The following CTNND2 variants were observed in gnomAD, a reference collection of about 807,000 sequenced individuals.
CTNND2 encodes catenin delta 2.
A neutral mutation model predicts 144.4 loss-of-function variants in CTNND2; 22 were observed. That is an observed-to-expected ratio of 0.15 (90% CI 0.11 to 0.22). CTNND2 has a LOEUF of 0.22. Ranked by LOEUF, CTNND2 falls within the 10% of genes least tolerant of loss-of-function variation. The probability of loss-of-function intolerance (pLI) is 1.00; values close to 1 mark genes in which losing one functional copy is unlikely to be tolerated. For missense variants in CTNND2, 1,353 were observed against 1,618.8 expected, an observed-to-expected ratio of 0.84 and a Z score of 2.82; for synonymous variants, 751 against 695.6, an observed-to-expected ratio of 1.08 and a Z score of -1.25.
At chr5:11,604,459 C>G (rs1318496733) in intron 2 of CTNND2, among the ~76,000 whole-genome samples, 1 of 152,210 alleles carries the variant, frequency 6.6e-6, no homozygotes, top group Non-Finnish European at 1.5e-5. Flanking sequence ...TGACTCATGT[C>G]AAGCCCCGAA....
At chr5:11,359,990 C>T (rs1284460095) in intron 8 of CTNND2, among the ~76,000 whole-genome samples, 1 of 152,046 alleles carries the variant, frequency 6.6e-6, no homozygotes, top group African/African-American at 2.4e-5. Context: ...CATAGATGTT[C>T]CTATATGCAT....
At chr5:11,481,626 A>G (rs891035735) in intron 3 of CTNND2, among the ~76,000 whole-genome samples, 2 of 152,006 alleles carry the variant, frequency 1.3e-5, no homozygotes, top group African/African-American at 4.8e-5. Flanking sequence ...GGAGAGACGG[A>G]GAGAGAGAGA....
intron 9 of CTNND2, among the ~76,000 whole-genome samples, chr5:11,308,548 T>G (rs1750488432): frequency 6.6e-6 from 1 of 152,374 alleles, no homozygotes; most frequent in African/African-American, 2.4e-5. Context: ...GTGGGTTCAC[T>G]TCCCCTAACG....
At chr5:11,419,507 T>G (rs1477489696) in intron 3 of CTNND2, among the ~76,000 whole-genome samples, 1 of 152,226 alleles carries the variant, frequency 6.6e-6, no homozygotes, top group Admixed American at 6.5e-5. Context: ...TTCCATTTCA[T>G]ATGTGAGACA....
chr5:11,273,415 G>A (rs571303701), intron 9 of CTNND2, among the ~76,000 whole-genome samples: 7 of 152,306 alleles, frequency 4.6e-5, no homozygotes, highest in Middle Eastern at 3.4e-3. Flanking sequence ...ATGCAAAACC[G>A]TCCCCTTGGT....
chr5:11,728,021 G>A (rs1787116266), intron 2 of CTNND2, among the ~76,000 whole-genome samples: 1 of 152,212 alleles, frequency 6.6e-6, no homozygotes, highest in African/African-American at 2.4e-5. Flanking sequence ...AAATGTAGAA[G>A]CTGAATAAAA....
chr5:11,021,919 G>A (rs1742296752), intron 17 of CTNND2, among the ~76,000 whole-genome samples: 1 of 152,238 alleles, frequency 6.6e-6, no homozygotes, highest in East Asian at 1.9e-4. Flanking sequence ...GGACTTCCAA[G>A]AGGCAAAATT....
Position 10,992,043 on chromosome 5 carries a change from G to A in CTNND2, c.3211+508C>T, listed in dbSNP as rs533323246. On this transcript the variant is annotated intron_variant, in intron 19 of 21. Transcript: ENST00000304623. ...AGTGATTCTCCTGCCTCAGCCTCCC[G>A]AGTAGCTGGGATTACAGGCGTGTGC... 2.3e-4 allele frequency among the ~76,000 whole-genome samples: 35 copies of A among 152,234 alleles called. No individual in the cohort carries two copies. The East Asian group carries it at 4.2e-3, about 18-fold the overall frequency.
rs61754608 is a variant in CTNND2 at position 11,108,822 on chromosome 5, G to C, written c.2463+2036C>G. 1.0e-3 allele frequency among the ~76,000 whole-genome samples: 152 copies of C among 152,232 alleles called. 1 individual carries two copies. In the East Asian group the frequency reaches 0.023, roughly 23 times the overall value. On this transcript the variant is annotated intron_variant, in intron 14 of 21. Coordinates refer to ENST00000304623, the MANE Select transcript of CTNND2 (RefSeq NM_001332.4). ...CAATGTCCCGTCACCTCCAAACCAC[G>C]CTGAAACAGTACCCACCTCAGGACA...
At chr5:11,049,437 C>T (rs1745607567) in intron 16 of CTNND2, among the ~76,000 whole-genome samples, 1 of 152,184 alleles carries the variant, frequency 6.6e-6, no homozygotes, top group African/African-American at 2.4e-5. Context: ...TTGGCACAGA[C>T]AGTACACTAA....
At chr5:11,021,106 T>C (rs1300474542) in intron 17 of CTNND2, among the ~76,000 whole-genome samples, 1 of 152,208 alleles carries the variant, frequency 6.6e-6, no homozygotes, top group Non-Finnish European at 1.5e-5. Context: ...TTCGAGTGAT[T>C]TGTAAATTAG....
chr5:11,326,623 G>A (rs928169425), intron 9 of CTNND2, among the ~76,000 whole-genome samples: 8 of 152,098 alleles, frequency 5.3e-5, no homozygotes, highest in African/African-American at 1.7e-4. Flanking sequence ...TCTCCCTCAC[G>A]AGGCCTGTAA....
chr5:11,662,616 G>C (rs904074520), intron 2 of CTNND2, among the ~76,000 whole-genome samples: 1 of 151,900 alleles, frequency 6.6e-6, no homozygotes, highest in African/African-American at 2.4e-5. Flanking sequence ...AATCTCCTTC[G>C]GCAACACCCT....
intron 16 of CTNND2, among the ~76,000 whole-genome samples, chr5:11,043,838 A>T (rs907518831): frequency 2.0e-5 from 3 of 152,244 alleles, no homozygotes; most frequent in South Asian, 2.1e-4. Context: ...ATGGAAGATT[A>T]AAAAAGCAGG....
chr5:11,333,384 C>A (rs1753378285), intron 9 of CTNND2, among the ~76,000 whole-genome samples: 2 of 152,134 alleles, frequency 1.3e-5, no homozygotes, highest in South Asian at 4.1e-4. Context: ...CTGCCTTAGT[C>A]TTCACAGTAG....
chr5:11,371,739 G>A (rs1757494568), intron 7 of CTNND2, among the ~76,000 whole-genome samples: 1 of 151,978 alleles, frequency 6.6e-6, no homozygotes, highest in African/African-American at 2.4e-5. Context: ...TAATTAATTT[G>A]ACATCTTATA....
Position 11,828,194 on chromosome 5 carries a change from G to A in CTNND2, c.37+75623C>T, listed in dbSNP as rs768549149. ...GGCAGATCTTTCCTGTGCTGTTCCC[G>A]TGATAGTGAATAAGTCTCATAAGAT... On this transcript the variant is annotated intron_variant, in intron 1 of 21. Coordinates refer to ENST00000304623, the MANE Select transcript of CTNND2 (RefSeq NM_001332.4). 7.9e-5 allele frequency among the ~76,000 whole-genome samples: 12 copies of A among 152,118 alleles called. No individual in the cohort carries two copies. In the South Asian group the frequency reaches 8.3e-4, roughly 11 times the overall value.
At chr5:11,611,021 C>T (rs938612417) in intron 2 of CTNND2, among the ~76,000 whole-genome samples, 1 of 152,066 alleles carries the variant, frequency 6.6e-6, no homozygotes, top group African/African-American at 2.4e-5. Context: ...ATTGTAGTTC[C>T]CATATTCTCC....
At chr5:11,769,793 G>A (rs974145061) in intron 1 of CTNND2, among the ~76,000 whole-genome samples, 2 of 152,162 alleles carry the variant, frequency 1.3e-5, no homozygotes, top group Non-Finnish European at 2.9e-5. Context: ...TCATATTTCA[G>A]TAATAAGATG....
Sources: allele counts gnomAD v4.1 joint callset (sites outside exome capture counted in the v4.1 genomes callset), GRCh38; gene constraint gnomAD v4.1.1; transcripts MANE v1.5; gene names NCBI Gene and HGNC (gene_info 2026-07-23, HGNC 2026-07-21).